The following TCERG1 variants were observed in gnomAD, a reference collection of about 807,000 sequenced individuals.
The protein encoded by TCERG1 is transcription elongation regulator 1, also known as TATA box binding protein (TBP)-associated factor, RNA polymerase II, S, 150kD.
In TCERG1, 37 loss-of-function variants were observed where a neutral mutation model predicts 144.7. The observed-to-expected ratio is 0.26, with a 90% CI of 0.20 to 0.34. The LOEUF (loss-of-function observed/expected upper bound fraction) is 0.34. TCERG1 is among the 10% of genes least tolerant of loss of function. TCERG1 has a pLI of 1.00. For synonymous variants in TCERG1, 492 were observed against 458.2 expected, an observed-to-expected ratio of 1.07 and a Z score of -0.94; for missense variants, 1,027 against 1,380.7, an observed-to-expected ratio of 0.74 and a Z score of 4.06.
chr5:146,478,396 G>C, intron 9 of TCERG1, 97 bp from the exon 10 acceptor site: 1 of 1,276,298 alleles, frequency 7.8e-7, no homozygotes. Context: ...TCGTTCTTCA[G>C]TACCCTCATC....
At chr5:146,466,870 AAC>A (rs1309312993) in intron 5 of TCERG1, among the ~76,000 whole-genome samples, 1 of 152,198 alleles carries the variant, frequency 6.6e-6, no homozygotes, top group African/African-American at 2.4e-5. Flanking sequence ...GGTTTTGGAG[AAC>A]AGTCTTTGAG....
intron 5 of TCERG1, among the ~76,000 whole-genome samples, chr5:146,467,091 GT>G (rs1763861861): frequency 6.6e-6 from 1 of 151,966 alleles, no homozygotes. Flanking sequence ...ATGATCCAAT[GT>G]TTTTATTTTA....
In TCERG1 at chr5:146,447,366, G is replaced by C. The variant is rs1263246276; in HGVS notation, c.17G>C (p.Gly6Ala). ...CCCTCTGTAATGGCGGAGCGTGGCG[G>C]GGACGGGGGCGAGAGTGAACGATTC... MAERG[G>A]DGGESERFNP... is the part of the protein sequence containing the mutation. The change falls in exon 1 of 23, where the codon GGG becomes GCG. Residue 6 changes from glycine (G) to alanine (A), a missense_variant. Transcript: ENST00000679501. 2 of 1,611,600 alleles carry C rather than the reference G, an allele frequency of 1.2e-6. No individual in the cohort carries two copies. Among genetic ancestry groups the C allele is most frequent in the Non-Finnish European group, 1.7e-6 (2 of 1,179,116 alleles).
chr5:146,510,695 T>G lies in TCERG1; in HGVS notation c.*53T>G, dbSNP rs959639704. The G allele has an allele frequency of 5.1e-6, 8 of 1,555,404 alleles. No homozygotes were observed. The highest frequency in any genetic ancestry group is 7.0e-6 in the Non-Finnish European group (8 of 1,147,942). ...TATTCAAAATGCTTGCATGAGCCAATTTTCAGGTTTTTACATATATGTGCA... is the reference window on the plus strand; with the variant it reads ...TATTCAAAATGCTTGCATGAGCCAAGTTTCAGGTTTTTACATATATGTGCA... On this transcript the variant is annotated 3_prime_UTR_variant, in exon 23 of 23. Coordinates refer to ENST00000679501, the MANE Select transcript of TCERG1 (RefSeq NM_001382548.1).
chr5:146,458,511 C>T (rs1561637590), intron 3 of TCERG1, among the ~76,000 whole-genome samples: 1 of 151,672 alleles, frequency 6.6e-6, no homozygotes, highest in East Asian at 1.9e-4. Flanking sequence ...CTCCCTCTGT[C>T]ACCCAGGCTG....
Position 146,480,401 on chromosome 5 carries a change from C to G in TCERG1, c.1886+307C>G, listed in dbSNP as rs545112759. 3 of 197,770 alleles carry G rather than the reference C, an allele frequency of 1.5e-5. No homozygotes were observed. The Admixed American group carries it at 1.7e-4, about 11-fold the overall frequency. 12.3% of individuals were successfully genotyped at this position (197,770 alleles called of 1,614,324 possible). A position where few individuals can be genotyped will look rare whatever the true frequency, so the allele number is the denominator to read the frequency against. On this transcript the variant is annotated intron_variant, in intron 12 of 22. Transcript: ENST00000679501. ...AAGTTAGTTTCCTCCCTCATTTAGA[C>G]CCCAATGGATACCATTCCAGAGATC...
rs569524000 is a variant in TCERG1, at chr5:146,477,840, C to T, written c.1602-653C>T. Among the ~76,000 whole-genome samples the T allele has an allele frequency of 6.0e-4, 91 of 151,638 alleles. 1 individual carries two copies. The highest frequency in any genetic ancestry group is 2.2e-3 in the African/African-American group (89 of 41,370). ...AGCCCTGAGTAGCTGGGTCTACAAG[C>T]TCGTGCAATCACATCCAGCTAATTT... On this transcript the variant is annotated intron_variant, in intron 9 of 22. Transcript: ENST00000679501.
chr5:146,455,228 C>T lies in TCERG1; in HGVS notation c.232C>T (p.Pro78Ser). ...GRPPFDPNMP[P>S]MPPPGGIPPP... ...TCCTCCTTTTGATCCTAATATGCCG[C>T]CAATGCCTCCTCCAGGAGGGATACC... Residue 78 changes from proline to serine, a missense_variant, in exon 2 of 23, where the codon CCA becomes TCA. By Grantham distance (74) the Pro-to-Ser change is moderately conservative. This residue lies in a region of TCERG1 where 175 missense variants were observed against 197.0 expected (regional missense o/e 0.89). Coordinates refer to ENST00000679501, the MANE Select transcript of TCERG1 (RefSeq NM_001382548.1). The T allele has an allele frequency of 6.2e-7, 1 of 1,614,214 alleles. No individual in the cohort carries two copies. The highest frequency in any genetic ancestry group is 8.5e-7 in the Non-Finnish European group (1 of 1,180,038).
chr5:146,463,601 C>T lies in TCERG1; in HGVS notation c.943C>T (p.Pro315Ser). ...TPSSAVSVAT[P>S]TVSVSTPAPT... Reference sequence around the variant, plus strand: ...AAGTTCTGCTGTTTCAGTTGCCACGCCTACAGTTAGTGTTTCAACTCCTGC... The same window carrying T: ...AAGTTCTGCTGTTTCAGTTGCCACGTCTACAGTTAGTGTTTCAACTCCTGC... Residue 315 changes from proline (P) to serine (S), a missense_variant, in exon 5 of 23, where the codon CCT becomes TCT. Physicochemically the swap from Pro to Ser is moderately conservative, Grantham distance 74. Coordinates refer to ENST00000679501, the MANE Select transcript of TCERG1 (RefSeq NM_001382548.1). The T allele has an allele frequency of 6.2e-7, 1 of 1,614,202 alleles. No individual in the cohort carries two copies. The highest frequency in any genetic ancestry group is 1.1e-5 in the South Asian group (1 of 91,082).
chr5:146,507,912 A>G lies in TCERG1; in HGVS notation c.3001A>G (p.Ile1001Val). 6.2e-7 allele frequency: 1 copy of G among 1,611,788 alleles called. No individual in the cohort carries two copies. ...CACGTGGAAAGAAGTAAAAAAAATCATTAAGGAAGATCCTCGATGTATTAA... is the reference window on the plus strand; with the variant it reads ...CACGTGGAAAGAAGTAAAAAAAATCGTTAAGGAAGATCCTCGATGTATTAA... ...TSTWKEVKKI[I>V]KEDPRCIKFS... is the part of the protein sequence containing the mutation. Residue 1001 changes from isoleucine to valine, a missense_variant, in exon 21 of 23, where the codon ATT becomes GTT. By Grantham distance (29) the Ile-to-Val change is conservative (BLOSUM62 3). Around this residue, in one of 6 missense-constraint regions of TCERG1, gnomAD observed 133 missense variants for 283.2 expected, o/e 0.47. Coordinates refer to ENST00000679501, the MANE Select transcript of TCERG1 (RefSeq NM_001382548.1). The surrounding 1 kb of genome is among the most constrained non-coding windows in gnomAD (Gnocchi z 4.6).
At chr5:146,472,412 AC>A (rs1178014076) in intron 9 of TCERG1, among the ~76,000 whole-genome samples, 5 of 151,564 alleles carry the variant, frequency 3.3e-5, no homozygotes, top group Non-Finnish European at 5.9e-5. Flanking sequence ...GATATTTCAA[AC>A]TTTTTCATTA....
chr5:146,493,221 A>G (rs111793672), intron 16 of TCERG1, among the ~76,000 whole-genome samples, 183 bp downstream of exon 16: 34 of 152,200 alleles, frequency 2.2e-4, no homozygotes, highest in Non-Finnish European at 4.0e-4. Flanking sequence ...GAGGAATCCT[A>G]AGTGCTCTAA....
chr5:146,474,356 G>C (rs1335127852), intron 9 of TCERG1, among the ~76,000 whole-genome samples: 2 of 152,192 alleles, frequency 1.3e-5, no homozygotes, highest in Admixed American at 1.3e-4. Context: ...TGAGAAAACT[G>C]TAATGGGTCA....
intron 15 of TCERG1, among the ~76,000 whole-genome samples, chr5:146,488,573 C>T (rs370476070): frequency 1.3e-5 from 2 of 151,972 alleles, no homozygotes; most frequent in East Asian, 1.9e-4. Flanking sequence ...GAAGAAATAA[C>T]GAATACTGGC....
intron 9 of TCERG1, among the ~76,000 whole-genome samples, chr5:146,471,865 G>A (rs1764345707): frequency 6.6e-6 from 1 of 152,112 alleles, no homozygotes; most frequent in Non-Finnish European, 1.5e-5. Flanking sequence ...CCAAAGTGCT[G>A]GGATTACAGG....
intron 15 of TCERG1, among the ~76,000 whole-genome samples, chr5:146,488,808 G>A (rs1433015998): frequency 1.3e-5 from 2 of 152,108 alleles, no homozygotes; most frequent in African/African-American, 4.8e-5. Context: ...CAGTAACCAA[G>A]ATACAGAATC....
intron 15 of TCERG1, 99 bp downstream of exon 15, chr5:146,483,728 G>C (rs1446192093): frequency 1.2e-6 from 1 of 837,042 alleles, no homozygotes; most frequent in Non-Finnish European, 1.8e-6. Flanking sequence ...TTCTGATACA[G>C]CATTTCAAAA....
chr5:146,482,808 G>T, intron 14 of TCERG1, 81 bp downstream of exon 14: 1 of 1,436,552 alleles, frequency 7.0e-7, no homozygotes. Flanking sequence ...TCAAATCTAA[G>T]GTTAGTGCTC....
In TCERG1 at chr5:146,507,990, T is replaced by A; in HGVS notation, c.3045+34T>A. 6.6e-7 allele frequency: 1 copy of A among 1,512,918 alleles called. No individual in the cohort carries two copies. The highest frequency in any genetic ancestry group is 9.1e-7 in the Non-Finnish European group (1 of 1,102,250). 93.7% of individuals were successfully genotyped at this position (1,512,918 alleles called of 1,614,324 possible). ...ATTTTGTGTCGAGATTTACTGTCAG[T>A]CTATAAATACTTAAATCGGGGCCTA... On this transcript the variant is annotated intron_variant, in intron 21 of 22. Transcript: ENST00000679501. This position sits in a 1 kb window ranked among gnomAD's most constrained non-coding sequence, Gnocchi z 4.6.
Sources: allele counts gnomAD v4.1 joint callset (sites outside exome capture counted in the v4.1 genomes callset), GRCh38; gene constraint gnomAD v4.1.1; regional missense constraint gnomAD v4.1.1; non-coding constraint Gnocchi (gnomAD v3.1); transcripts MANE v1.5; gene names NCBI Gene and HGNC (gene_info 2026-07-23, HGNC 2026-07-21).